The following C1orf21 variants were observed in gnomAD, a reference collection of about 807,000 sequenced individuals.
C1orf21 encodes the protein chromosome 1 open reading frame 21.
In C1orf21, 3 loss-of-function variants were observed where a neutral mutation model predicts 18.7. That is an observed-to-expected ratio of 0.16 (90% confidence interval 0.07 to 0.42). The LOEUF is 0.42. Ranked by LOEUF, C1orf21 falls within the 10% of genes least tolerant of loss-of-function variation. The pLI, the probability that C1orf21 is intolerant of heterozygous loss-of-function variation, is 0.99. For synonymous variants in C1orf21, 41 were observed against 46.4 expected, an observed-to-expected ratio of 0.88 and a Z score of 0.47; for missense variants, 104 against 143.6, an observed-to-expected ratio of 0.72 and a Z score of 1.41.
chr1:184,598,248 TTTATCC>T (rs1347792631), intron 4 of C1orf21, among the ~76,000 whole-genome samples, 147 bp from the exon 5 acceptor site: 1 of 152,170 alleles, frequency 6.6e-6, no homozygotes, highest in Non-Finnish European at 1.5e-5. Context: ...TACTGTACTG[TTTATCC>T]TTAATGTAAC....
Position 184,552,491 on chromosome 1 carries a change from C to T in C1orf21, c.190-38248C>T, listed in dbSNP as rs1249459685. 2.0e-5 allele frequency among the ~76,000 whole-genome samples: 3 copies of T among 152,094 alleles called. 1 individual carries two copies. On this transcript the variant is annotated intron_variant, in intron 3 of 5. Transcript: ENST00000235307. ...CTGCTGAGAGTGTAAATAGCCACAA[C>T]CTTTCTGGATGAAGATATTGCAAGC...
In C1orf21 at chr1:184,477,544, T is replaced by G. The variant is rs139283227; in HGVS notation, c.35T>G (p.Val12Gly). 1 of 1,613,912 alleles carries G rather than the reference T, an allele frequency of 6.2e-7. No homozygotes were observed. The highest frequency in any genetic ancestry group is 1.3e-5 in the African/African-American group (1 of 74,920). Residue 12 changes from valine to glycine, a missense_variant, in exon 2 of 6, where the codon GTT (valine) becomes GGT (glycine). Coordinates refer to ENST00000235307, the MANE Select transcript of C1orf21 (RefSeq NM_030806.4). ...GCCTCCGCCAAGCATGTTGCCACTG[T>G]TCAAAATGAAGAGGAAGCCCAGAAA... Reference protein sequence around the residue: ...GCASAKHVATVQNEEEAQKGK... With the variant: ...GCASAKHVATGQNEEEAQKGK...
intron 4 of C1orf21, among the ~76,000 whole-genome samples, chr1:184,597,653 A>G (rs1659534511): frequency 6.6e-6 from 1 of 152,190 alleles, no homozygotes; most frequent in Admixed American, 6.5e-5. Flanking sequence ...CATTAAGACC[A>G]TGGCCCATTA....
chr1:184,478,844 T>C (rs1557982674), intron 2 of C1orf21, among the ~76,000 whole-genome samples: 1 of 152,244 alleles, frequency 6.6e-6, no homozygotes, highest in Non-Finnish European at 1.5e-5. Context: ...CTTCAACTCT[T>C]AGTAAGGGAC....
In C1orf21 at chr1:184,626,715, T is replaced by C. The variant is rs1660017498; in HGVS notation, c.*7159T>C. ...ATGATTCATCCCAGGGTGTCCTCTG[T>C]CCCTTACCCAGCCCCAACTCCTCTT... On this transcript the variant is annotated 3_prime_UTR_variant, in exon 6 of 6. Coordinates refer to ENST00000235307, the MANE Select transcript of C1orf21 (RefSeq NM_030806.4). 1 of 152,286 alleles carries C rather than the reference T, an allele frequency of 6.6e-6. No homozygotes were observed. Among genetic ancestry groups the C allele is most frequent in the Non-Finnish European group, 1.5e-5 (1 of 68,184 alleles). The allele number at this position is 152,286 out of a possible 1,614,324, so 9.4% of individuals were successfully genotyped here. A position where few individuals can be genotyped will look rare whatever the true frequency, so the allele number is the denominator to read the frequency against.
rs1210771707 is a variant in C1orf21 at position 184,628,937 on chromosome 1, A to G, written c.*9381A>G. The G allele has an allele frequency of 6.6e-6, 1 of 152,592 alleles. No individual in the cohort carries two copies. Among genetic ancestry groups the G allele is most frequent in the Non-Finnish European group, 1.5e-5 (1 of 68,034 alleles). The allele number at this position is 152,592 out of a possible 1,614,324, so 9.5% of individuals were successfully genotyped here. A position where few individuals can be genotyped will look rare whatever the true frequency, so the allele number is the denominator to read the frequency against. On this transcript the variant is annotated 3_prime_UTR_variant, in exon 6 of 6. Coordinates refer to ENST00000235307, the MANE Select transcript of C1orf21 (RefSeq NM_030806.4). The stretch of plus-strand genomic sequence containing the variant: ...TCTGAGAAAGTGTACAGGTCTAATT[A>G]TATATACATATTTATACATGTGTAT...
intron 2 of C1orf21, among the ~76,000 whole-genome samples, chr1:184,486,460 C>A (rs756511645): frequency 6.6e-6 from 1 of 152,236 alleles, no homozygotes; most frequent in East Asian, 1.9e-4. Context: ...ATAAGGAGAG[C>A]GTCCAGAACA....
At chr1:184,599,460 G>C (rs538467450) in intron 5 of C1orf21, 2 of 152,232 alleles carry the variant, frequency 1.3e-5, no homozygotes, top group South Asian at 4.1e-4. Flanking sequence ...CCCTCTGAGA[G>C]AATAATTGTA....
intron 1 of C1orf21, among the ~76,000 whole-genome samples, chr1:184,476,237 C>T (rs1287107454): frequency 6.6e-6 from 1 of 152,054 alleles, no homozygotes; most frequent in African/African-American, 2.4e-5. Flanking sequence ...TGTGTAGTAG[C>T]ACTATCTGTG....
rs116209463 is a variant in C1orf21 at position 184,516,110 on chromosome 1, G to C, written c.189+8428G>C. ...TTACAGACATGAGCCACCATGCCCAGCCTACATTGGTTTTTGATTTACTGT... is the reference window on the plus strand; with the variant it reads ...TTACAGACATGAGCCACCATGCCCACCCTACATTGGTTTTTGATTTACTGT... On this transcript the variant is annotated intron_variant, in intron 3 of 5. Transcript: ENST00000235307. 4.6e-3 allele frequency among the ~76,000 whole-genome samples: 699 copies of C among 152,246 alleles called. 8 individuals are homozygous for C. Among genetic ancestry groups the C allele is most frequent in the African/African-American group, 0.016 (666 of 41,546 alleles).
intron 3 of C1orf21, among the ~76,000 whole-genome samples, chr1:184,568,713 T>C (rs1022046474): frequency 3.9e-5 from 6 of 152,208 alleles, no homozygotes; most frequent in Non-Finnish European, 5.9e-5. Context: ...TCTTGCTCTC[T>C]TTTTCTCCCA....
chr1:184,429,733 T>C (rs1293480532), intron 1 of C1orf21, among the ~76,000 whole-genome samples: 1 of 152,208 alleles, frequency 6.6e-6, no homozygotes, highest in African/African-American at 2.4e-5. Flanking sequence ...AAGAGTATTT[T>C]ACTTATAATA....
intron 2 of C1orf21, among the ~76,000 whole-genome samples, chr1:184,498,090 T>G (rs1221249918): frequency 6.6e-6 from 1 of 152,138 alleles, no homozygotes; most frequent in Non-Finnish European, 1.5e-5. Flanking sequence ...CCGATGTCAA[T>G]CCAGACCGCC....
chr1:184,407,162 A>G (rs896071468), intron 1 of C1orf21, among the ~76,000 whole-genome samples: 3 of 152,078 alleles, frequency 2.0e-5, no homozygotes, highest in Non-Finnish European at 4.4e-5. Context: ...AAATTTAGAG[A>G]CAGGGTCTCA....
intron 4 of C1orf21, among the ~76,000 whole-genome samples, chr1:184,597,937 A>T (rs1183532440): frequency 6.6e-6 from 1 of 152,146 alleles, no homozygotes; most frequent in Non-Finnish European, 1.5e-5. Flanking sequence ...CTTGTTTGCC[A>T]CCGGCCCACA....
chr1:184,454,617 G>C (rs1557976344), intron 1 of C1orf21, among the ~76,000 whole-genome samples: 1 of 152,034 alleles, frequency 6.6e-6, no homozygotes, highest in African/African-American at 2.4e-5. Context: ...CCGTTCTCGT[G>C]GTAGAGTTCT....
chr1:184,575,611 TAAAAAA>T (rs59167087), intron 3 of C1orf21, among the ~76,000 whole-genome samples: 1 of 83,508 alleles, frequency 1.2e-5, no homozygotes, highest in Non-Finnish European at 2.6e-5. Flanking sequence ...CACAAAAAGG[TAAAAAA>T]AAAAAAAAAA....
At chr1:184,410,647 ATATATATATATATATATTTTTT>A (rs1656329269) in intron 1 of C1orf21, among the ~76,000 whole-genome samples, 1 of 5,210 alleles carries the variant, frequency 1.9e-4, no homozygotes, top group African/African-American at 4.1e-3. Context: ...ATATATATAT[ATATATATATATATATATTTTTT>A]TTTTTTTTTT....
intron 1 of C1orf21, among the ~76,000 whole-genome samples, chr1:184,464,317 C>T (rs756729529): frequency 6.6e-6 from 1 of 152,142 alleles, no homozygotes; most frequent in Non-Finnish European, 1.5e-5. Flanking sequence ...GTAATAATAT[C>T]CTGCACTATG....
Sources: gnomAD v4.1 joint callset for allele counts (sites outside exome capture counted in the v4.1 genomes callset) on GRCh38, gnomAD v4.1.1 for gene constraint, MANE v1.5 for transcripts, NCBI Gene and HGNC (gene_info 2026-07-23, HGNC 2026-07-21) for gene names.